Variants in ADAMTS5 observed in about 807,000 individuals in gnomAD.
The protein encoded by ADAMTS5 is A disintegrin and metalloproteinase with thrombospondin motifs 5.
ADAMTS5 carries 54 observed loss-of-function variants against 81.4 expected under a neutral mutation model. That is an observed-to-expected ratio of 0.66 (90% confidence interval 0.53 to 0.83). The LOEUF (loss-of-function observed/expected upper bound fraction) is 0.83, where lower values mean the gene tolerates loss of function less well. Ranked by LOEUF, ADAMTS5 falls within the 40% of genes least tolerant of loss-of-function variation. The pLI is 0.00. For synonymous variants in ADAMTS5, 532 were observed against 508.8 expected, an observed-to-expected ratio of 1.05 and a Z score of -0.61; for missense variants, 1,194 against 1,229.9, an observed-to-expected ratio of 0.97 and a Z score of 0.44.
chr21:26,932,032 G>C lies in ADAMTS5; in HGVS notation c.2021C>G (p.Thr674Ser), dbSNP rs1480372542. Residue 674 changes from threonine to serine, a missense_variant, in exon 6 of 8, where the codon ACT (threonine) becomes AGT (serine). Coordinates refer to ENST00000284987, the MANE Select transcript of ADAMTS5 (RefSeq NM_007038.5). ...VCKLTCRAKG[T>S]GYYVVFSPKV... ...TGGAGAAAATACCACATAGTAGCCA[G>C]TGCCCTTGGCTCTGCAGGTCAGCTT... is the stretch of plus-strand genomic sequence containing the variant. 1 of 1,613,980 alleles carries C rather than the reference G, an allele frequency of 6.2e-7. No individual in the cohort carries two copies. The highest frequency in any genetic ancestry group is 2.2e-5 in the East Asian group (1 of 44,872).
In ADAMTS5 at chr21:26,924,695, A is replaced by C. The variant is rs1986775368; in HGVS notation, c.2226-75T>G. Reference sequence around the variant, plus strand: ...GGAGAAAAAAATGAGTAAACACTTAACAAATAAATACACAAACAGAAGTTC... The same window carrying C: ...GGAGAAAAAAATGAGTAAACACTTACCAAATAAATACACAAACAGAAGTTC... On this transcript the variant is annotated intron_variant, in intron 7 of 7. Transcript: ENST00000284987. The C allele has an allele frequency of 4.3e-6, 5 of 1,153,236 alleles. No homozygotes were observed. The South Asian group carries it at 7.5e-5, about 17-fold the overall frequency. 71.4% of individuals were successfully genotyped at this position (1,153,236 alleles called of 1,614,324 possible).
intron 2 of ADAMTS5, chr21:26,954,012 T>C (rs1423687211): frequency 1.3e-5 from 2 of 152,002 alleles, no homozygotes; most frequent in Non-Finnish European, 2.9e-5. Flanking sequence ...ACACAAAAAA[T>C]TGTGTCTAAT....
At chr21:26,936,782 A>C (rs1302993378) in intron 3 of ADAMTS5, among the ~76,000 whole-genome samples, 1 of 152,234 alleles carries the variant, frequency 6.6e-6, no homozygotes, top group Non-Finnish European at 1.5e-5. Context: ...AAAGAATGAT[A>C]GTAAAAGCTC....
chr21:26,938,245 CA>C (rs961657937), intron 3 of ADAMTS5, among the ~76,000 whole-genome samples: 216 of 127,702 alleles, frequency 1.7e-3, no homozygotes, highest in Middle Eastern at 8.5e-3. Context: ...AACTCCGTCT[CA>C]AAAAAAAAAA....
intron 2 of ADAMTS5, among the ~76,000 whole-genome samples, chr21:26,952,095 A>C (rs973770893): frequency 6.6e-6 from 1 of 152,242 alleles, no homozygotes; most frequent in Non-Finnish European, 1.5e-5. Flanking sequence ...TAAATAGCTC[A>C]GATTAGTTCA....
Position 26,918,246 on chromosome 21 carries a change from T to A in ADAMTS5, c.*5807A>T, listed in dbSNP as rs1336870101. ...TTTCAACTGCATTATATACCATTGC[T>A]TCTGGAAAATTGAGGGTAATAAGCA... is the stretch of plus-strand genomic sequence containing the variant. On this transcript the variant is annotated 3_prime_UTR_variant, in exon 8 of 8. Transcript: ENST00000284987. The A allele has an allele frequency of 6.6e-6, 1 of 152,450 alleles. No individual in the cohort carries two copies. Among genetic ancestry groups the A allele is most frequent in the Admixed American group, 6.6e-5 (1 of 15,232 alleles). 9.4% of individuals were successfully genotyped at this position (152,450 alleles called of 1,614,324 possible).
chr21:26,932,821 T>C lies in ADAMTS5; in HGVS notation c.1873+40A>G, dbSNP rs573263258. ...CATTATTGCTAGAATACAAATGACA[T>C]GTAGCATATGATGGTTGCTGACACT... On this transcript the variant is annotated intron_variant, in intron 5 of 7. Coordinates refer to ENST00000284987, the MANE Select transcript of ADAMTS5 (RefSeq NM_007038.5). The C allele has an allele frequency of 1.1e-5, 17 of 1,563,704 alleles. No homozygotes were observed. In the African/African-American group the frequency reaches 1.6e-4, roughly 15 times the overall value.
rs757318975 is a variant in ADAMTS5 at position 26,933,008 on chromosome 21, A to C, written c.1726T>G (p.Trp576Gly). 6.2e-7 allele frequency: 1 copy of C among 1,613,656 alleles called. No homozygotes were observed. The highest frequency in any genetic ancestry group is 2.2e-5 in the East Asian group (1 of 44,848). The change falls in exon 5 of 8, where the codon TGG becomes GGG. Residue 576 changes from tryptophan (W) to glycine (G), a missense_variant. Physicochemically the swap from Trp to Gly is radical, Grantham distance 184. Around this residue, in one of 2 missense-constraint regions of ADAMTS5, gnomAD observed 696 missense variants for 817.6 expected, o/e 0.85. Coordinates refer to ENST00000284987, the MANE Select transcript of ADAMTS5 (RefSeq NM_007038.5). Reference protein sequence around the residue: ...SHGNWGSWGSWGQCSRSCGGG... With the variant: ...SHGNWGSWGSGGQCSRSCGGG... ...CCACATGAGCGAGAACACTGGCCCCAGGATCCCCAAGATCCCCAGTTGCCA... is the reference window on the plus strand; with the variant it reads ...CCACATGAGCGAGAACACTGGCCCCCGGATCCCCAAGATCCCCAGTTGCCA...
intron 4 of ADAMTS5, 57 bp downstream of exon 4, chr21:26,934,409 A>T: frequency 6.3e-7 from 1 of 1,598,846 alleles, no homozygotes; most frequent in Non-Finnish European, 8.5e-7. Flanking sequence ...TACCCATCAC[A>T]AGAATGCACT....
Position 26,965,595 on chromosome 21 carries a change from G to T in ADAMTS5, c.797C>A (p.Ala266Asp). The change falls in exon 1 of 8, where the codon GCC becomes GAC. Residue 266 changes from alanine (A) to aspartate (D), a missense_variant. By Grantham distance (126) the Ala-to-Asp change is moderately radical. Around this residue, in one of 2 missense-constraint regions of ADAMTS5, gnomAD observed 498 missense variants for 412.3 expected, o/e 1.21. Transcript: ENST00000284987. ...WRRRRRSISRARQVELLLVAD... is the reference protein window; with the variant it reads ...WRRRRRSISRDRQVELLLVAD... ...CACCAGAAGCAGCTCCACCTGGCGG[G>T]CCCGGGAGATGGAGCGGCGCCGCCG... is the stretch of plus-strand genomic sequence containing the variant. 6.2e-7 allele frequency: 1 copy of T among 1,604,152 alleles called. No homozygotes were observed. The highest frequency in any genetic ancestry group is 8.5e-7 in the Non-Finnish European group (1 of 1,175,672).
At chr21:26,943,141 C>T (rs1987144670) in intron 3 of ADAMTS5, among the ~76,000 whole-genome samples, 1 of 152,190 alleles carries the variant, frequency 6.6e-6, no homozygotes, top group Non-Finnish European at 1.5e-5. Flanking sequence ...TGGTCTTCCA[C>T]ACTGCTTCTC....
chr21:26,965,211 C>G (rs1987613744), intron 1 of ADAMTS5, 77 bp downstream of exon 1: 3 of 1,530,410 alleles, frequency 2.0e-6, no homozygotes, highest in Admixed American at 2.0e-5. Context: ...GAGGGAGAAG[C>G]AAAGCCACCA....
intron 5 of ADAMTS5, among the ~76,000 whole-genome samples, 189 bp downstream of exon 5, chr21:26,932,672 G>T (rs1986933269): frequency 6.6e-6 from 1 of 151,742 alleles, no homozygotes; most frequent in East Asian, 1.9e-4. Context: ...TTGCACTCCA[G>T]CCTGGACAAC....
intron 1 of ADAMTS5, among the ~76,000 whole-genome samples, chr21:26,962,630 C>T (rs569388289): frequency 2.6e-5 from 4 of 152,332 alleles, no homozygotes; most frequent in Non-Finnish European, 5.9e-5. Context: ...GACATCTGGA[C>T]CTAAATTTGA....
chr21:26,949,167 C>CAT (rs1187319630), intron 2 of ADAMTS5, among the ~76,000 whole-genome samples: 20 of 143,220 alleles, frequency 1.4e-4, no homozygotes, highest in Non-Finnish European at 2.1e-4. Context: ...CACATATATC[C>CAT]ATATATATAT....
At chr21:26,937,013 A>T (rs775377305) in intron 3 of ADAMTS5, among the ~76,000 whole-genome samples, 26 of 152,246 alleles carry the variant, frequency 1.7e-4, no homozygotes, top group Non-Finnish European at 3.7e-4. Flanking sequence ...AAATTTTACT[A>T]AAAAGCACAG....
intron 1 of ADAMTS5, among the ~76,000 whole-genome samples, chr21:26,955,995 C>T (rs1987419435): frequency 6.6e-6 from 1 of 152,152 alleles, no homozygotes; most frequent in African/African-American, 2.4e-5. Flanking sequence ...TATTCTCCAG[C>T]TTATATAGTA....
intron 6 of ADAMTS5, among the ~76,000 whole-genome samples, chr21:26,931,176 A>G (rs1986900049): frequency 6.6e-6 from 1 of 151,966 alleles, no homozygotes; most frequent in Admixed American, 6.5e-5. Context: ...CCTCCCGAGT[A>G]GCTGGGATTA....
In ADAMTS5 at chr21:26,918,571, T is replaced by C. The variant is rs186187727; in HGVS notation, c.*5482A>G. On this transcript the variant is annotated 3_prime_UTR_variant, in exon 8 of 8. Transcript: ENST00000284987. ...TTTTCAACTCGTAATTGTAGCAAGA[T>C]GAGCCATCAAGGTTTACGTTGTGCC... 4 of 152,170 alleles carry C rather than the reference T, an allele frequency of 2.6e-5. No homozygotes were observed. The highest frequency in any genetic ancestry group is 9.6e-5 in the African/African-American group (4 of 41,556). The allele number at this position is 152,170 out of a possible 1,614,324, so 9.4% of individuals were successfully genotyped here.
Sources: allele counts gnomAD v4.1 joint callset (sites outside exome capture counted in the v4.1 genomes callset), GRCh38; gene constraint gnomAD v4.1.1; regional missense constraint gnomAD v4.1.1; transcripts MANE v1.5; gene names NCBI Gene and HGNC (gene_info 2026-07-23, HGNC 2026-07-21).